The following THSD7B variants were observed in gnomAD, a reference collection of about 807,000 sequenced individuals.
THSD7B encodes the protein thrombospondin type-1 domain-containing protein 7B.
In THSD7B, 138 loss-of-function variants were observed where a neutral mutation model predicts 213.6. The observed-to-expected ratio is 0.65, with a 90% CI of 0.56 to 0.74. The LOEUF is 0.74. THSD7B is among the 30% of genes least tolerant of loss of function. The pLI, the probability that THSD7B is intolerant of heterozygous loss-of-function variation, is 0.00. For missense variants in THSD7B, 1,931 were observed against 1,991.5 expected (o/e 0.97, Z 0.58); for synonymous variants, 742 against 687.0 (o/e 1.08, Z -1.25).
intron 14 of THSD7B, among the ~76,000 whole-genome samples, chr2:137,415,910 A>G (rs1274517910): frequency 6.6e-6 from 1 of 152,048 alleles, no homozygotes; most frequent in Non-Finnish European, 1.5e-5. Context: ...GACACATTAT[A>G]TATTTACTTT....
chr2:137,015,080 C>T (rs926637350), intron 2 of THSD7B, among the ~76,000 whole-genome samples: 1 of 152,118 alleles, frequency 6.6e-6, no homozygotes, highest in Non-Finnish European at 1.5e-5. Context: ...TCACCACTTA[C>T]TCATATTGCT....
At chr2:137,260,984 T>C (rs1682432069) in intron 10 of THSD7B, among the ~76,000 whole-genome samples, 3 of 152,218 alleles carry the variant, frequency 2.0e-5, no homozygotes, top group Non-Finnish European at 4.4e-5. Flanking sequence ...TTTTATTTGT[T>C]TGTTTTTTGT....
chr2:136,776,993 A>G (rs1269682156), intron 1 of THSD7B, among the ~76,000 whole-genome samples: 2 of 152,170 alleles, frequency 1.3e-5, no homozygotes, highest in African/African-American at 4.8e-5. Context: ...GGGAAAAACC[A>G]TTCTCAGCTG....
chr2:137,214,493 T>TA (rs1681190843), intron 7 of THSD7B, among the ~76,000 whole-genome samples: 1 of 152,146 alleles, frequency 6.6e-6, no homozygotes, highest in Admixed American at 6.5e-5. Context: ...GCAGGTTTGT[T>TA]ACATAGGTAT....
intron 14 of THSD7B, among the ~76,000 whole-genome samples, chr2:137,419,379 TCCCACA>T (rs2105023913): frequency 1.0e-5 from 1 of 98,992 alleles, no homozygotes; most frequent in Non-Finnish European, 2.7e-5. Flanking sequence ...TGAGTTCTTG[TCCCACA>T]TCAAAGAAGA....
chr2:136,993,592 A>G (rs1445047191), intron 2 of THSD7B, among the ~76,000 whole-genome samples: 1 of 152,250 alleles, frequency 6.6e-6, no homozygotes, highest in East Asian at 1.9e-4. Context: ...TAGTACACAT[A>G]TAGATGTTCA....
chr2:137,270,937 C>A (rs894760211), intron 10 of THSD7B, among the ~76,000 whole-genome samples: 8 of 152,038 alleles, frequency 5.3e-5, no homozygotes, highest in Non-Finnish European at 8.8e-5. Flanking sequence ...AAATTAAATA[C>A]AGAAGCAGTT....
intron 12 of THSD7B, among the ~76,000 whole-genome samples, chr2:137,313,111 A>G (rs977581952): frequency 6.6e-6 from 1 of 151,966 alleles, no homozygotes; most frequent in South Asian, 2.1e-4. Flanking sequence ...GTGGGGTGTT[A>G]AAGTCTCCCA....
intron 10 of THSD7B, among the ~76,000 whole-genome samples, chr2:137,258,729 T>C (rs1223585243): frequency 6.6e-6 from 1 of 151,630 alleles, no homozygotes; most frequent in Non-Finnish European, 1.5e-5. Context: ...AGGTTTGTTA[T>C]GTAGGTATAC....
chr2:137,408,263 G>T (rs1686573737), intron 13 of THSD7B, among the ~76,000 whole-genome samples: 1 of 152,120 alleles, frequency 6.6e-6, no homozygotes, highest in Admixed American at 6.5e-5. Context: ...TCACCTTGTA[G>T]ATGAACATTA....
chr2:137,386,824 T>C (rs1365731341), intron 12 of THSD7B, among the ~76,000 whole-genome samples: 1 of 152,210 alleles, frequency 6.6e-6, no homozygotes, highest in Non-Finnish European at 1.5e-5. Flanking sequence ...AATCTGCTGA[T>C]TTGAGACATC....
chr2:136,793,131 T>A (rs1387092582), intron 1 of THSD7B, among the ~76,000 whole-genome samples: 1 of 152,090 alleles, frequency 6.6e-6, no homozygotes, highest in African/African-American at 2.4e-5. Flanking sequence ...TGTTTTAATA[T>A]AAGTTTAACT....
At chr2:136,780,209 G>T (rs1681713579) in intron 1 of THSD7B, among the ~76,000 whole-genome samples, 1 of 152,188 alleles carries the variant, frequency 6.6e-6, no homozygotes. Flanking sequence ...AAGTTCCTTT[G>T]GTTCCAAGAA....
At chr2:137,297,751 A>G (rs1291029589) in intron 12 of THSD7B, among the ~76,000 whole-genome samples, 7 of 152,078 alleles carry the variant, frequency 4.6e-5, no homozygotes, top group Non-Finnish European at 8.8e-5. Context: ...TGATGGGTTT[A>G]CCAGGGGTTT....
chr2:137,453,563 T>G (rs184056438), intron 15 of THSD7B, among the ~76,000 whole-genome samples: 15 of 152,174 alleles, frequency 9.9e-5, no homozygotes, highest in Admixed American at 5.9e-4. Context: ...TCTCCTGACC[T>G]CGTGCTCTGC....
At chr2:137,671,921 CA>C (rs1406669043) in intron 27 of THSD7B, among the ~76,000 whole-genome samples, 4 of 152,072 alleles carry the variant, frequency 2.6e-5, no homozygotes, top group Non-Finnish European at 5.9e-5. Flanking sequence ...CCTTTTTAAA[CA>C]GTCTGGAATA....
chr2:136,884,849 G>A (rs1223070700), intron 2 of THSD7B, among the ~76,000 whole-genome samples: 2 of 151,764 alleles, frequency 1.3e-5, no homozygotes, highest in African/African-American at 2.4e-5. Context: ...CATTTCAGTG[G>A]TTTCTAGTTT....
At chr2:136,948,115 G>GC (rs1553460054) in intron 2 of THSD7B, among the ~76,000 whole-genome samples, 1 of 151,534 alleles carries the variant, frequency 6.6e-6, no homozygotes, top group African/African-American at 2.4e-5. Flanking sequence ...TTGTATGTAT[G>GC]TTTTTTTTTA....
At chr2:137,204,336 C>A (rs777200482) in intron 7 of THSD7B, among the ~76,000 whole-genome samples, 3 of 152,032 alleles carry the variant, frequency 2.0e-5, no homozygotes, top group African/African-American at 7.2e-5. Context: ...GTTGAGAATG[C>A]GTAGTTATGG....
Sources: gnomAD v4.1 joint callset for allele counts (sites outside exome capture counted in the v4.1 genomes callset) on GRCh38, gnomAD v4.1.1 for gene constraint, MANE v1.5 for transcripts, NCBI Gene and HGNC (gene_info 2026-07-23, HGNC 2026-07-21) for gene names.